The following TMEM132D variants were observed in gnomAD, a reference collection of about 807,000 sequenced individuals.
TMEM132D encodes mature OL transmembrane protein.
In TMEM132D, 21 loss-of-function variants were observed where a neutral mutation model predicts 62.3. The ratio of observed to expected loss-of-function variants is 0.34; its 90% CI spans 0.24 to 0.49. The LOEUF (loss-of-function observed/expected upper bound fraction) is 0.49. Among genes scored for constraint, TMEM132D ranks in the 20% least tolerant of loss-of-function variants. The pLI, the probability that TMEM132D is intolerant of heterozygous loss-of-function variation, is 0.99. For missense variants in TMEM132D, 1,346 were observed against 1,402.8 expected, an observed-to-expected ratio of 0.96 and a Z score of 0.65; for synonymous variants, 621 against 575.6, an observed-to-expected ratio of 1.08 and a Z score of -1.13.
At chr12:129,254,839 A>T (rs561512268) in intron 4 of TMEM132D, among the ~76,000 whole-genome samples, 1 of 152,066 alleles carries the variant, frequency 6.6e-6, no homozygotes, top group South Asian at 2.1e-4. Flanking sequence ...CTGGCCTTGA[A>T]TTTTCATCTC....
At chr12:129,535,531 C>G (rs149102055) in intron 2 of TMEM132D, among the ~76,000 whole-genome samples, 1 of 152,336 alleles carries the variant, frequency 6.6e-6, no homozygotes, top group East Asian at 1.9e-4. Flanking sequence ...GAGACTTAGG[C>G]TGATGACAAC....
At chr12:129,877,305 T>C (rs754866310) in intron 1 of TMEM132D, among the ~76,000 whole-genome samples, 6 of 145,884 alleles carry the variant, frequency 4.1e-5, no homozygotes, top group Non-Finnish European at 8.8e-5. Context: ...ACACTGTGGG[T>C]AAGAAGAACT....
rs370366668 is a variant in TMEM132D, at chr12:129,611,640, A to G, written c.969-80435T>C. Reference sequence around the variant, plus strand: ...GCTCCCTCTACCTTGTAATGCCACCATCTCAACACAGGGCTTCCAGGTTCA... The same window carrying G: ...GCTCCCTCTACCTTGTAATGCCACCGTCTCAACACAGGGCTTCCAGGTTCA... On this transcript the variant is annotated intron_variant, in intron 2 of 8. Transcript: ENST00000422113. Among the ~76,000 whole-genome samples the G allele has an allele frequency of 3.3e-5, 5 of 152,322 alleles. No homozygotes were observed. The East Asian group carries it at 7.7e-4, about 24-fold the overall frequency.
Position 129,596,575 on chromosome 12 carries a change from G to A in TMEM132D, c.969-65370C>T, listed in dbSNP as rs187091374. ...AGTGTCGGTCATATTGCATATAATG[G>A]CACACCCTTCTGTATACTTTAAATC... is the stretch of plus-strand genomic sequence containing the variant. On this transcript the variant is annotated intron_variant, in intron 2 of 8. Transcript: ENST00000422113. Among the ~76,000 whole-genome samples, 305 of 151,870 alleles carry A rather than the reference G, an allele frequency of 2.0e-3. 2 individuals are homozygous for A. Among genetic ancestry groups the A allele is most frequent in the African/African-American group, 7.0e-3 (291 of 41,390 alleles).
At chr12:129,737,074 C>T (rs1869450676) in intron 1 of TMEM132D, among the ~76,000 whole-genome samples, 1 of 152,154 alleles carries the variant, frequency 6.6e-6, no homozygotes, top group African/African-American at 2.4e-5. Flanking sequence ...CCTCAGCATC[C>T]CAAAGTGCTG....
chr12:129,310,463 C>T (rs1881946706), intron 4 of TMEM132D, among the ~76,000 whole-genome samples: 1 of 152,176 alleles, frequency 6.6e-6, no homozygotes, highest in African/African-American at 2.4e-5. Flanking sequence ...CCCAAGGGGA[C>T]CTTGCAGAGA....
At chr12:129,162,919 C>G (rs1273755124) in intron 5 of TMEM132D, among the ~76,000 whole-genome samples, 2 of 152,222 alleles carry the variant, frequency 1.3e-5, no homozygotes, top group African/African-American at 4.8e-5. Context: ...TGCCAGGGAC[C>G]TGGGCTAGCA....
intron 5 of TMEM132D, among the ~76,000 whole-genome samples, chr12:129,204,999 T>C (rs1878803515): frequency 6.6e-6 from 1 of 152,214 alleles, no homozygotes; most frequent in Non-Finnish European, 1.5e-5. Context: ...CTACCAGACC[T>C]GCCTGACAAG....
chr12:129,453,333 G>A (rs892797913), intron 3 of TMEM132D, among the ~76,000 whole-genome samples: 5 of 152,142 alleles, frequency 3.3e-5, no homozygotes, highest in African/African-American at 9.7e-5. Context: ...TGGCTTTTGC[G>A]CAAGGTGTCT....
At chr12:129,077,870 T>C (rs375014625) in intron 8 of TMEM132D, among the ~76,000 whole-genome samples, 324 of 144,486 alleles carry the variant, frequency 2.2e-3, no homozygotes, top group Non-Finnish European at 4.1e-3. Flanking sequence ...GACACACACA[T>C]GCATACACAG....
intron 1 of TMEM132D, among the ~76,000 whole-genome samples, chr12:129,872,735 A>G (rs534043296): frequency 2.6e-5 from 4 of 152,188 alleles, no homozygotes; most frequent in Non-Finnish European, 5.9e-5. Flanking sequence ...CGTAAGCTCC[A>G]AGGTTCTGGG....
At chr12:129,543,363 TGGATGGATGTAA>T (rs1175364638) in intron 2 of TMEM132D, among the ~76,000 whole-genome samples, 8 of 147,946 alleles carry the variant, frequency 5.4e-5, no homozygotes, top group Admixed American at 3.4e-4. Flanking sequence ...AGTGGGTGGA[TGGATGGATGTAA>T]GGATGGATGG....
At chr12:129,560,009 C>T (rs147274615) in intron 2 of TMEM132D, among the ~76,000 whole-genome samples, 2 of 152,078 alleles carry the variant, frequency 1.3e-5, no homozygotes, top group Non-Finnish European at 2.9e-5. Context: ...GCTGTTGAGG[C>T]CAGAACAATG....
At chr12:129,890,308 C>G (rs1874880021) in intron 1 of TMEM132D, among the ~76,000 whole-genome samples, 1 of 152,160 alleles carries the variant, frequency 6.6e-6, no homozygotes, top group Admixed American at 6.5e-5. Flanking sequence ...CTTACATATT[C>G]TAGAGTGCTG....
chr12:129,099,257 G>A (rs958775913), intron 5 of TMEM132D, among the ~76,000 whole-genome samples: 6 of 152,056 alleles, frequency 3.9e-5, no homozygotes, highest in Admixed American at 1.3e-4. Flanking sequence ...ACCTTATTGC[G>A]TCAGGTTGGG....
At chr12:129,705,837 T>C (rs529636528) in intron 1 of TMEM132D, among the ~76,000 whole-genome samples, 2 of 152,246 alleles carry the variant, frequency 1.3e-5, no homozygotes, top group East Asian at 3.9e-4. Context: ...CTATAAGTAA[T>C]TTAAAATTTA....
At chr12:129,734,618 A>G (rs1202812139) in intron 1 of TMEM132D, among the ~76,000 whole-genome samples, 1 of 152,210 alleles carries the variant, frequency 6.6e-6, no homozygotes, top group Admixed American at 6.5e-5. Flanking sequence ...CTGAGGTCTT[A>G]TATTAGTTGG....
chr12:129,453,257 GA>G (rs1257463106), intron 3 of TMEM132D, among the ~76,000 whole-genome samples: 1 of 152,202 alleles, frequency 6.6e-6, no homozygotes, highest in Non-Finnish European at 1.5e-5. Flanking sequence ...CGCTGTTTTA[GA>G]TGATCTAAGA....
chr12:129,795,607 G>T (rs1464918252), intron 1 of TMEM132D, among the ~76,000 whole-genome samples: 3 of 152,156 alleles, frequency 2.0e-5, no homozygotes, highest in Non-Finnish European at 4.4e-5. Flanking sequence ...AATGCCAGCT[G>T]CTGGACGGAG....
Sources: gnomAD v4.1 joint callset for allele counts (sites outside exome capture counted in the v4.1 genomes callset) on GRCh38, gnomAD v4.1.1 for gene constraint, MANE v1.5 for transcripts, NCBI Gene and HGNC (gene_info 2026-07-23, HGNC 2026-07-21) for gene names.